Variants in MCF2 observed in about 807,000 individuals in gnomAD.
MCF2 encodes proto-oncogene DBL.
MCF2 carries 44 observed loss-of-function variants against 82.5 expected under a neutral mutation model. That is an observed-to-expected ratio of 0.53 (90% confidence interval 0.42 to 0.69). MCF2 has a LOEUF of 0.69. Among genes scored for constraint, MCF2 ranks in the 30% least tolerant of loss-of-function variants. The pLI is 0.00. For synonymous variants in MCF2, 217 were observed against 224.9 expected, an observed-to-expected ratio of 0.96 and a Z score of 0.32; for missense variants, 623 against 663.1, an observed-to-expected ratio of 0.94 and a Z score of 0.66.
chrX:139,633,364 C>T (rs1353985164), intron 1 of MCF2, among the ~76,000 whole-genome samples: 2 of 111,945 alleles, frequency 1.8e-5, no homozygotes, highest in Non-Finnish European at 3.8e-5. Context: ...TAAATGCTTA[C>T]TCTGTGCAAA....
chrX:139,617,431 A>G, intron 8 of MCF2, 82 bp downstream of exon 11: 2 of 703,634 alleles, frequency 2.8e-6, no homozygotes, highest in Middle Eastern at 3.4e-4. Flanking sequence ...ATGCGACAGG[A>G]GGGCAAGGTG....
intron 1 of MCF2, among the ~76,000 whole-genome samples, chrX:139,693,498 AC>A (rs1303845597): frequency 9.1e-6 from 1 of 109,549 alleles, no homozygotes; most frequent in Non-Finnish European, 1.9e-5. Flanking sequence ...ACACACACAC[AC>A]ACACACACAC....
At chrX:139,586,434 C>T (rs757497661) in exon 23 of MCF2, 14 of 1,208,413 alleles carry the variant, frequency 1.2e-5, no homozygotes, top group Non-Finnish European at 1.5e-5. Flanking sequence ...CACCACAGTG[C>T]TGGTGTGTTC....
intron 24 of MCF2, among the ~76,000 whole-genome samples, chrX:139,583,456 G>A (rs1443562292): frequency 1.8e-5 from 2 of 111,518 alleles, no homozygotes; most frequent in Admixed American, 9.6e-5. Flanking sequence ...GCAGCAAGGT[G>A]GATGCAGCTG....
intron 19 of MCF2, among the ~76,000 whole-genome samples, chrX:139,594,582 G>T (rs1929865463): frequency 9.0e-6 from 1 of 111,238 alleles, no homozygotes; most frequent in Non-Finnish European, 1.9e-5. Flanking sequence ...AATTCAAGAT[G>T]GATTGAAGAC....
intron 1 of MCF2, 47 bp from the exon 2 acceptor site, chrX:139,651,835 G>T (rs1164436982): frequency 1.3e-6 from 1 of 782,655 alleles, no homozygotes; most frequent in Non-Finnish European, 1.9e-6. Flanking sequence ...TTAAGGTACA[G>T]CCTTACATGA....
intron 1 of MCF2, among the ~76,000 whole-genome samples, chrX:139,633,128 T>C (rs1031976454): frequency 9.0e-6 from 1 of 111,129 alleles, no homozygotes; most frequent in Non-Finnish European, 1.9e-5. Context: ...CTCCGAGACA[T>C]AGGAAGGTCA....
rs1240530222 is a variant in MCF2 at position 139,642,284 on chromosome X, G to A, written c.51+184C>T. Among the ~76,000 whole-genome samples the A allele has an allele frequency of 2.7e-5, 3 of 111,822 alleles. No individual in the cohort carries two copies. The East Asian group carries it at 8.4e-4, about 31-fold the overall frequency. On this transcript the variant is annotated intron_variant, in intron 1 of 24. Coordinates refer to ENST00000370576, the Ensembl canonical transcript of MCF2. The stretch of plus-strand genomic sequence containing the variant: ...TTATATTCTACCCCCTCAATTGCCT[G>A]AAAATTACCCTATGTCAATATCACA...
At chrX:139,623,645 G>A (rs1366434697) in intron 6 of MCF2, among the ~76,000 whole-genome samples, 1 of 94,389 alleles carries the variant, frequency 1.1e-5, no homozygotes, top group Non-Finnish European at 2.1e-5. Context: ...CCTGAGTAAC[G>A]GCATCATTCA....
At chrX:139,662,675 G>A (rs1366368519) in intron 1 of MCF2, among the ~76,000 whole-genome samples, 1 of 110,427 alleles carries the variant, frequency 9.1e-6, no homozygotes, top group Non-Finnish European at 1.9e-5. Flanking sequence ...GTACCCAAGT[G>A]CTTGGGTACC....
At chrX:139,696,210 T>C (rs758477159) in intron 1 of MCF2, among the ~76,000 whole-genome samples, 1 of 111,681 alleles carries the variant, frequency 9.0e-6, no homozygotes, top group African/African-American at 3.2e-5. Context: ...GCCTAAATCT[T>C]ACCACTCCTG....
chrX:139,671,479 T>A (rs1276188038), intron 1 of MCF2, among the ~76,000 whole-genome samples: 1 of 111,772 alleles, frequency 8.9e-6, no homozygotes, highest in Non-Finnish European at 1.9e-5. Flanking sequence ...CCATCTTGAA[T>A]TAATTTTTGT....
chrX:139,625,847 G>A (rs1364164502), intron 6 of MCF2, among the ~76,000 whole-genome samples: 1 of 111,770 alleles, frequency 8.9e-6, no homozygotes, highest in African/African-American at 3.3e-5. Context: ...AAACCAAGAA[G>A]GAAGTTGGTA....
upstream of MCF2, among the ~76,000 whole-genome samples, chrX:139,643,301 T>C (rs2891098): frequency 0.2 from 21,964 of 111,153 alleles, 1,947 homozygotes; most frequent in South Asian, 0.36. Flanking sequence ...CAGACACTTG[T>C]TTGAAATAAT....
intron 6 of MCF2, among the ~76,000 whole-genome samples, chrX:139,622,816 G>C (rs1217716293): frequency 1.8e-5 from 2 of 109,572 alleles, no homozygotes; most frequent in African/African-American, 6.6e-5. Flanking sequence ...CACCAACATG[G>C]CACATGTATA....
chrX:139,637,307 T>A lies in MCF2; in HGVS notation c.52-4853A>T, dbSNP rs142737511. The stretch of plus-strand genomic sequence containing the variant: ...CAATTCATCTGATTTGTCAGTTATT[T>A]TTCTAGAAAACTAAATCATATAGTT... On this transcript the variant is annotated intron_variant, in intron 1 of 24. Coordinates refer to ENST00000370576, the Ensembl canonical transcript of MCF2. Among the ~76,000 whole-genome samples the A allele has an allele frequency of 4.0e-3, 440 of 111,284 alleles. 1 individual carries two copies. Among genetic ancestry groups the A allele is most frequent in the Non-Finnish European group, 6.1e-3 (326 of 53,052 alleles).
At chrX:139,586,420 C>A in exon 23 of MCF2, 2 of 1,210,514 alleles carry the variant, frequency 1.7e-6, no homozygotes, top group Non-Finnish European at 2.2e-6. Flanking sequence ...GCCTCACAGA[C>A]CTCCACCACA....
chrX:139,595,353 T>G (rs1929966263), intron 19 of MCF2, among the ~76,000 whole-genome samples: 1 of 109,693 alleles, frequency 9.1e-6, no homozygotes, highest in South Asian at 4.0e-4. Flanking sequence ...ATAGACTGGA[T>G]TAAGAAAATG....
intron 6 of MCF2, among the ~76,000 whole-genome samples, chrX:139,619,978 T>G (rs1368289770): frequency 1.9e-5 from 2 of 102,733 alleles, no homozygotes; most frequent in East Asian, 5.9e-4. Context: ...GTGTGAGGTA[T>G]GTATAGGTAT....
Sources: allele counts gnomAD v4.1 joint callset (sites outside exome capture counted in the v4.1 genomes callset), GRCh38; gene constraint gnomAD v4.1.1; transcripts MANE v1.5; gene names NCBI Gene and HGNC (gene_info 2026-07-23, HGNC 2026-07-21).